Variants in LRP1B observed in about 807,000 individuals in gnomAD.
LRP1B encodes the protein LDL receptor related protein 1B, also known as low-density lipoprotein receptor-related protein 1B.
LRP1B carries 217 observed loss-of-function variants against 556.6 expected under a neutral mutation model. The ratio of observed to expected loss-of-function variants is 0.39; its 90% CI spans 0.35 to 0.44. The LOEUF (loss-of-function observed/expected upper bound fraction) is 0.44, where lower values mean the gene tolerates loss of function less well. Among genes scored for constraint, LRP1B ranks in the 20% least tolerant of loss-of-function variants. The pLI is 1.00. For missense variants in LRP1B, 5,053 were observed against 5,620.8 expected, an observed-to-expected ratio of 0.90 and a Z score of 3.23; for synonymous variants, 2,047 against 1,865.8, an observed-to-expected ratio of 1.10 and a Z score of -2.50.
intron 37 of LRP1B, among the ~76,000 whole-genome samples, chr2:140,706,858 C>T (rs890750149): frequency 7.3e-5 from 11 of 151,258 alleles, no homozygotes; most frequent in Admixed American, 2.6e-4. Flanking sequence ...GGCAGTTATA[C>T]TCAACCTGAA....
At chr2:140,451,095 C>A (rs1686866762) in intron 62 of LRP1B, among the ~76,000 whole-genome samples, 1 of 152,210 alleles carries the variant, frequency 6.6e-6, no homozygotes, top group Admixed American at 6.5e-5. Context: ...GTACATGCCA[C>A]CTCGCCCAGA....
At chr2:141,047,690 T>G (rs1698915882) in intron 11 of LRP1B, among the ~76,000 whole-genome samples, 2 of 152,140 alleles carry the variant, frequency 1.3e-5, no homozygotes, top group Non-Finnish European at 2.9e-5. Flanking sequence ...TTAGCGCATT[T>G]TAGTGCCTTT....
rs545444362 is a variant in LRP1B at position 141,989,544 on chromosome 2, TGTTTGGTATG to T, written c.82+141094_82+141103del. ...TTTGATCTTTGGTATGGTTTGGCAC[TGTTTGGTATG>T]GTTTGGTATGGTTGGCCACCCAAAT... On this transcript the variant is annotated intron_variant, in intron 1 of 90. Coordinates refer to ENST00000389484, the MANE Select transcript of LRP1B (RefSeq NM_018557.3). Among the ~76,000 whole-genome samples the T allele has an allele frequency of 1.0e-3, 153 of 152,242 alleles. 1 individual carries two copies. The highest frequency in any genetic ancestry group is 3.4e-3 in the Middle Eastern group (1 of 294).
chr2:141,072,014 A>T (rs575242985), intron 7 of LRP1B, among the ~76,000 whole-genome samples: 1 of 152,250 alleles, frequency 6.6e-6, no homozygotes, highest in East Asian at 1.9e-4. Flanking sequence ...TTTAAAGTTC[A>T]TATGGCATCT....
At chr2:141,896,557 C>A (rs548162230) in intron 1 of LRP1B, among the ~76,000 whole-genome samples, 1 of 152,024 alleles carries the variant, frequency 6.6e-6, no homozygotes, top group African/African-American at 2.4e-5. Context: ...TTTTGAAATT[C>A]TTTTCCTTCA....
intron 1 of LRP1B, among the ~76,000 whole-genome samples, chr2:141,859,762 A>C (rs1698180194): frequency 6.6e-6 from 1 of 152,182 alleles, no homozygotes. Context: ...GTATCACATA[A>C]GTATGTACAA....
At chr2:141,668,963 C>T (rs776345876) in intron 2 of LRP1B, among the ~76,000 whole-genome samples, 3 of 152,152 alleles carry the variant, frequency 2.0e-5, no homozygotes, top group Non-Finnish European at 4.4e-5. Context: ...AGCAATACCC[C>T]TGTGGCACGT....
At position 140,903,140 on chromosome 2, in the gene LRP1B, G is replaced by A. The variant is rs2105223561; in HGVS notation, c.3546C>T (p.Gly1182=). ...GAACAACAGAACAGTGGTTGCTACA[G>A]CCTCCATTGTTCAGCGAACACTCAT... ...LCDECSLNNG[G]CSNHCSVVPG... is the part of the protein sequence containing the mutation. Residue 1182 remains glycine, a synonymous_variant, in exon 23 of 91, where the codon GGC becomes GGT. Coordinates refer to ENST00000389484, the MANE Select transcript of LRP1B (RefSeq NM_018557.3). 6.2e-7 allele frequency: 1 copy of A among 1,613,320 alleles called. No individual in the cohort carries two copies. Among genetic ancestry groups the A allele is most frequent in the South Asian group, 1.1e-5 (1 of 91,068 alleles).
At chr2:141,129,219 G>T (rs2105021182) in intron 7 of LRP1B, among the ~76,000 whole-genome samples, 1 of 152,074 alleles carries the variant, frequency 6.6e-6, no homozygotes, top group African/African-American at 2.4e-5. Flanking sequence ...CTGAACAAAT[G>T]GAGAAACAAT....
intron 43 of LRP1B, among the ~76,000 whole-genome samples, chr2:140,554,522 T>C (rs1013824642): frequency 5.3e-5 from 8 of 152,076 alleles, no homozygotes; most frequent in African/African-American, 1.9e-4. Flanking sequence ...AATTCAACAG[T>C]GTTTTTCTTT....
At chr2:141,524,751 T>A (rs1684638412) in intron 2 of LRP1B, among the ~76,000 whole-genome samples, 1 of 150,568 alleles carries the variant, frequency 6.6e-6, no homozygotes, top group Non-Finnish European at 1.5e-5. Flanking sequence ...CCCCATCAAC[T>A]CTTATGAAAA....
chr2:141,634,654 A>G (rs1057387248), intron 2 of LRP1B, among the ~76,000 whole-genome samples: 1 of 152,014 alleles, frequency 6.6e-6, no homozygotes, highest in Non-Finnish European at 1.5e-5. Flanking sequence ...TATCCACTAT[A>G]TAAAAATGTA....
At chr2:140,303,646 A>C (rs191617963) in intron 83 of LRP1B, among the ~76,000 whole-genome samples, 38 of 152,178 alleles carry the variant, frequency 2.5e-4, no homozygotes, top group Admixed American at 2.4e-3. Context: ...TATAAAAAAT[A>C]TTATTTTTTA....
At chr2:140,309,198 A>G (rs1196392187) in intron 83 of LRP1B, among the ~76,000 whole-genome samples, 1 of 151,844 alleles carries the variant, frequency 6.6e-6, no homozygotes, top group Non-Finnish European at 1.5e-5. Flanking sequence ...AAGCATAAAA[A>G]AGATTATACA....
At chr2:140,649,624 C>T (rs1684604848) in intron 41 of LRP1B, among the ~76,000 whole-genome samples, 2 of 152,128 alleles carry the variant, frequency 1.3e-5, no homozygotes, top group Admixed American at 6.6e-5. Context: ...TGATTTTCCT[C>T]TTTGTTATAT....
At chr2:140,256,044 T>C (rs1681661123) in intron 86 of LRP1B, among the ~76,000 whole-genome samples, 1 of 152,170 alleles carries the variant, frequency 6.6e-6, no homozygotes. Flanking sequence ...ACAGAGGTAT[T>C]TGCTTGATGG....
chr2:141,399,337 T>C (rs1311868124), intron 3 of LRP1B, among the ~76,000 whole-genome samples: 1 of 152,140 alleles, frequency 6.6e-6, no homozygotes, highest in Non-Finnish European at 1.5e-5. Context: ...GTACCTTACA[T>C]GTATGTTAAC....
chr2:141,697,694 T>A (rs776584088), intron 2 of LRP1B, among the ~76,000 whole-genome samples: 40 of 151,882 alleles, frequency 2.6e-4, no homozygotes, highest in Non-Finnish European at 4.3e-4. Flanking sequence ...CACCTGAACA[T>A]CAAACATGCT....
At chr2:141,456,746 TAAG>T (rs1288690462) in intron 3 of LRP1B, among the ~76,000 whole-genome samples, 2 of 152,136 alleles carry the variant, frequency 1.3e-5, no homozygotes, top group Non-Finnish European at 2.9e-5. Flanking sequence ...TGGATGGGAA[TAAG>T]ATCTCATAGC....
Sources: allele counts gnomAD v4.1 joint callset (sites outside exome capture counted in the v4.1 genomes callset), GRCh38; gene constraint gnomAD v4.1.1; transcripts MANE v1.5; gene names NCBI Gene and HGNC (gene_info 2026-07-23, HGNC 2026-07-21).